The following CFHR5 variants were observed in gnomAD, a reference collection of about 807,000 sequenced individuals.
The protein encoded by CFHR5 is complement factor H-related protein 5.
CFHR5 carries 73 observed loss-of-function variants against 62.9 expected under a neutral mutation model. The observed-to-expected ratio is 1.16, with a 90% confidence interval of 0.96 to 1.41. CFHR5 has a LOEUF of 1.41. Among genes scored for constraint, CFHR5 ranks in the 40% most tolerant of loss-of-function variants. The pLI is 0.00. For missense variants in CFHR5, 779 were observed against 679.9 expected (o/e 1.15, Z -1.62); for synonymous variants, 249 against 227.2 (o/e 1.10, Z -0.86).
intron 9 of CFHR5, among the ~76,000 whole-genome samples, chr1:197,007,686 G>C (rs1042052456): frequency 1.4e-5 from 2 of 146,228 alleles, no homozygotes; most frequent in Non-Finnish European, 3.0e-5. Context: ...ATATACATAA[G>C]TATGTATGTA....
At chr1:196,979,110 A>G (rs528717797) in intron 1 of CFHR5, among the ~76,000 whole-genome samples, 4 of 152,282 alleles carry the variant, frequency 2.6e-5, no homozygotes, top group African/African-American at 9.6e-5. Context: ...TGAATCAAGC[A>G]ATATATTGTG....
chr1:196,992,368 T>G (rs1653871720), intron 3 of CFHR5, among the ~76,000 whole-genome samples: 1 of 151,844 alleles, frequency 6.6e-6, no homozygotes, highest in African/African-American at 2.4e-5. Context: ...CTATTTTTTC[T>G]AAGACCACTG....
At chr1:196,978,621 A>G (rs1009566766) in intron 1 of CFHR5, among the ~76,000 whole-genome samples, 4 of 152,166 alleles carry the variant, frequency 2.6e-5, no homozygotes, top group African/African-American at 9.7e-5. Flanking sequence ...CTTTCTTTTT[A>G]AGATATGCCC....
intron 1 of CFHR5, among the ~76,000 whole-genome samples, chr1:196,981,848 A>T (rs1414111360): frequency 3.9e-5 from 6 of 151,942 alleles, no homozygotes; most frequent in Non-Finnish European, 8.8e-5. Flanking sequence ...AATAATTGTT[A>T]TATTGTATTT....
chr1:196,979,833 C>T (rs1381962943), intron 1 of CFHR5, among the ~76,000 whole-genome samples: 1 of 151,974 alleles, frequency 6.6e-6, no homozygotes, highest in South Asian at 2.1e-4. Context: ...CCAGGATAGA[C>T]TAAATTTATT....
chr1:197,002,660 T>G lies in CFHR5; in HGVS notation c.1326T>G (p.Cys442Trp). The change falls in exon 8 of 10, where the codon TGT (cysteine) becomes TGG (tryptophan). Residue 442 changes from cysteine to tryptophan, a missense_variant. Physicochemically the swap from Cys to Trp is radical, Grantham distance 215. Coordinates refer to ENST00000256785, the MANE Select transcript of CFHR5 (RefSeq NM_030787.4). ...KDGRWQSLPR[C>W]VESTAYCGPP... ...GACGATGGCAATCATTACCACGCTGTGTTGGTTAGTAGTTTATTTCTAAGT... is the reference window on the plus strand; with the variant it reads ...GACGATGGCAATCATTACCACGCTGGGTTGGTTAGTAGTTTATTTCTAAGT... 3 of 1,611,684 alleles carry G rather than the reference T, an allele frequency of 1.9e-6. No homozygotes were observed. Among genetic ancestry groups the G allele is most frequent in the Non-Finnish European group, 2.5e-6 (3 of 1,178,092 alleles).
At chr1:197,006,311 C>T (rs1161874316) in intron 9 of CFHR5, among the ~76,000 whole-genome samples, 1 of 152,088 alleles carries the variant, frequency 6.6e-6, no homozygotes, top group African/African-American at 2.4e-5. Context: ...CAAAAAAACC[C>T]ATCATAGATA....
chr1:196,999,750 C>T (rs1454892167), intron 7 of CFHR5, among the ~76,000 whole-genome samples: 38 of 133,276 alleles, frequency 2.9e-4, no homozygotes, highest in Middle Eastern at 8.2e-3. Context: ...TATACACACA[C>T]ATATGTATAT....
In CFHR5 at chr1:197,008,478, T is replaced by G; in HGVS notation, c.1514-9T>G. The G allele has an allele frequency of 6.6e-7, 1 of 1,520,476 alleles. No individual in the cohort carries two copies. The highest frequency in any genetic ancestry group is 9.0e-7 in the Non-Finnish European group (1 of 1,114,644). The allele number at this position is 1,520,476 out of a possible 1,614,324, so 94.2% of individuals were successfully genotyped here. ...TTTATTTATTTTATTTTACCATTTC[T>G]TCTTTCAGATCCATGTGTGGTATCT... On this transcript the variant is annotated splice_polypyrimidine_tract_variant and intron_variant, in intron 9 of 9. Transcript: ENST00000256785.
chr1:196,989,104 G>A (rs1653773409), intron 3 of CFHR5, among the ~76,000 whole-genome samples: 2 of 152,128 alleles, frequency 1.3e-5, no homozygotes, highest in Non-Finnish European at 2.9e-5. Flanking sequence ...TTGGGAGGAT[G>A]TATGTGTCGA....
chr1:196,983,064 A>G lies in CFHR5; in HGVS notation c.238A>G (p.Thr80Ala). 6.2e-7 allele frequency: 1 copy of G among 1,614,112 alleles called. No homozygotes were observed. Among genetic ancestry groups the G allele is most frequent in the South Asian group, 1.1e-5 (1 of 91,032 alleles). The change falls in exon 2 of 10, where the codon ACA (threonine) becomes GCA (alanine). Residue 80 changes from threonine to alanine, a missense_variant. Thr to Ala is a moderately conservative substitution (Grantham distance 58). Coordinates refer to ENST00000256785, the MANE Select transcript of CFHR5 (RefSeq NM_030787.4). ...ATGCACAGAAGAAGGATGGTCACCA[A>G]CACCGAAGTGTCTCAGTGAGTAAAT... Reference protein sequence around the residue: ...ITCTEEGWSPTPKCLRMCSFP... With the variant: ...ITCTEEGWSPAPKCLRMCSFP...
rs747935430 is a variant in CFHR5 at position 197,002,633 on chromosome 1, T to C, written c.1299T>C (p.Asp433=). Reference sequence around the variant, plus strand: ...AAGCAAAAGAAATTGTATGTAAAGATGGACGATGGCAATCATTACCACGCT... The same window carrying C: ...AAGCAAAAGAAATTGTATGTAAAGACGGACGATGGCAATCATTACCACGCT... ...LPEAKEIVCK[D]GRWQSLPRCV... is the part of the protein sequence containing the mutation. The change falls in exon 8 of 10, where the codon GAT becomes GAC. Residue 433 remains aspartate (D), a synonymous_variant. Transcript: ENST00000256785. 6 of 1,613,484 alleles carry C rather than the reference T, an allele frequency of 3.7e-6. No individual in the cohort carries two copies. The African/African-American group carries it at 6.7e-5, about 18-fold the overall frequency.
intron 9 of CFHR5, among the ~76,000 whole-genome samples, chr1:197,007,745 GTATACATATAA>G (rs1269321303): frequency 4.1e-5 from 6 of 145,552 alleles, no homozygotes; most frequent in Non-Finnish European, 6.0e-5. Flanking sequence ...TACAATATAT[GTATACATATAA>G]TATACATATA....
At chr1:196,978,486 C>T (rs987133338) in intron 1 of CFHR5, among the ~76,000 whole-genome samples, 1 of 152,080 alleles carries the variant, frequency 6.6e-6, no homozygotes, top group African/African-American at 2.4e-5. Context: ...GTGCTATATA[C>T]TCTTTGATTT....
chr1:196,998,419 A>G (rs1654050025), intron 7 of CFHR5, 115 bp downstream of exon 7: 3 of 859,088 alleles, frequency 3.5e-6, no homozygotes, highest in Non-Finnish European at 5.7e-6. Flanking sequence ...TTTCTATGCT[A>G]ATAGTAAAGT....
In CFHR5 at chr1:196,994,276, G is replaced by C. The variant is rs1426567580; in HGVS notation, c.607+20G>C. On this transcript the variant is annotated intron_variant, in intron 4 of 9. Coordinates refer to ENST00000256785, the MANE Select transcript of CFHR5 (RefSeq NM_030787.4). ...GCAAAGGTCAGTATTTATTTTAGAA[G>C]TGATGAAACAAGAATTTGATTTTTA... 5.0e-6 allele frequency: 8 copies of C among 1,588,062 alleles called. No homozygotes were observed. The highest frequency in any genetic ancestry group is 6.1e-6 in the Non-Finnish European group (7 of 1,156,976).
At chr1:196,998,587 C>A (rs1301593699) in intron 7 of CFHR5, among the ~76,000 whole-genome samples, 1 of 151,906 alleles carries the variant, frequency 6.6e-6, no homozygotes, top group Non-Finnish European at 1.5e-5. Context: ...AAGAACAAAA[C>A]TTAATCTTCA....
intron 3 of CFHR5, 133 bp downstream of exon 3, chr1:196,984,270 T>C (rs1653624235): frequency 1.2e-6 from 1 of 809,230 alleles, no homozygotes; most frequent in Non-Finnish European, 2.0e-6. Flanking sequence ...TCGGTTCCAA[T>C]TGTGTCTAAG....
intron 7 of CFHR5, among the ~76,000 whole-genome samples, chr1:196,999,722 T>TATATATATATATATATAC (rs1164729053): frequency 8.6e-6 from 1 of 116,198 alleles, no homozygotes; most frequent in African/African-American, 3.5e-5. Context: ...TATATATATA[T>TATATATATATATATATAC]ACACACACAC....
Sources: allele counts gnomAD v4.1 joint callset (sites outside exome capture counted in the v4.1 genomes callset), GRCh38; gene constraint gnomAD v4.1.1; transcripts MANE v1.5; gene names NCBI Gene and HGNC (gene_info 2026-07-23, HGNC 2026-07-21).